CELSR1: variants seen among roughly 807,000 people sequenced by gnomAD.
CELSR1 encodes adhesion G protein-coupled receptor C1.
In CELSR1, 110 loss-of-function variants were observed where a neutral mutation model predicts 249.1. The ratio of observed to expected loss-of-function variants is 0.44; its 90% CI spans 0.38 to 0.52. CELSR1 has a LOEUF of 0.52. Ranked by LOEUF, CELSR1 falls within the 20% of genes least tolerant of loss-of-function variation. The probability of loss-of-function intolerance (pLI) is 0.00; values close to 1 mark genes in which losing one functional copy is unlikely to be tolerated. For synonymous variants in CELSR1, 2,113 were observed against 1,900.0 expected (o/e 1.11, Z -2.92); for missense variants, 4,109 against 4,296.4 (o/e 0.96, Z 1.22).
intron 1 of CELSR1, among the ~76,000 whole-genome samples, chr22:46,515,983 A>G (rs1015280632): frequency 6.6e-6 from 1 of 152,212 alleles, no homozygotes; most frequent in African/African-American, 2.4e-5. Flanking sequence ...ATGTGGAGAA[A>G]CAGGAACACT....
Position 46,361,184 on chromosome 22 carries a change from A to G in CELSR1, c.*2039T>C, listed in dbSNP as rs1414871352. The stretch of plus-strand genomic sequence containing the variant: ...CCAGCACCGCAGAAGTACAAATTCA[A>G]AAATCTTAATTTATTGTAGACTCTT... On this transcript the variant is annotated 3_prime_UTR_variant, in exon 35 of 35. Transcript: ENST00000674500. 2.6e-5 allele frequency: 4 copies of G among 152,574 alleles called. No individual in the cohort carries two copies. The highest frequency in any genetic ancestry group is 5.9e-5 in the Non-Finnish European group (4 of 68,048). 9.5% of individuals were successfully genotyped at this position (152,574 alleles called of 1,614,324 possible). A position where few individuals can be genotyped will look rare whatever the true frequency, so the allele number is the denominator to read the frequency against.
Position 46,411,846 on chromosome 22 carries a change from G to A in CELSR1, c.4612-87C>T, listed in dbSNP as rs2079340780. 1 of 1,554,196 alleles carries A rather than the reference G, an allele frequency of 6.4e-7. No homozygotes were observed. Among genetic ancestry groups the A allele is most frequent in the Non-Finnish European group, 8.8e-7 (1 of 1,139,370 alleles). ...CACCTGTCACTCATAGAGCGAGGAG[G>A]ACATGGCACAGGGTGGGCGGCACGT... On this transcript the variant is annotated intron_variant, in intron 5 of 34. Coordinates refer to ENST00000674500, the MANE Select transcript of CELSR1 (RefSeq NM_001378328.1). The surrounding 1 kb of genome is among the most constrained non-coding windows in gnomAD (Gnocchi z 4.2).
At chr22:46,403,965 C>T (rs1320298994) in intron 9 of CELSR1, among the ~76,000 whole-genome samples, 2 of 136,640 alleles carry the variant, frequency 1.5e-5, no homozygotes, top group African/African-American at 2.8e-5. Flanking sequence ...GAGTGAAACT[C>T]CGTCTCAAAA....
rs1275597815 is a variant in CELSR1 at position 46,473,987 on chromosome 22, T to C, written c.3545-9642A>G. On this transcript the variant is annotated intron_variant, in intron 1 of 34. Transcript: ENST00000674500. The surrounding 1 kb of genome is among the most constrained non-coding windows in gnomAD (Gnocchi z 6.6). ...AACAAGGGGACAAGCACTTTCAGGG[T>C]TGGGTGTGCGGCGCATGTCAGGATG... 6.6e-6 allele frequency among the ~76,000 whole-genome samples: 1 copy of C among 151,964 alleles called. No individual in the cohort carries two copies. The highest frequency in any genetic ancestry group is 2.4e-5 in the African/African-American group (1 of 41,350).
At chr22:46,431,270 G>A (rs2079592368) in intron 5 of CELSR1, among the ~76,000 whole-genome samples, 1 of 152,240 alleles carries the variant, frequency 6.6e-6, no homozygotes, top group Non-Finnish European at 1.5e-5. Context: ...ACTGTGTTCA[G>A]AGCCAGGGCG....
At chr22:46,378,780 G>C in intron 22 of CELSR1, 63 bp from the exon 23 acceptor site, 1 of 1,564,014 alleles carries the variant, frequency 6.4e-7, no homozygotes. Flanking sequence ...AGTCTGTAAA[G>C]GGCAGCCTTT....
At chr22:46,478,636 G>A (rs961527229) in intron 1 of CELSR1, among the ~76,000 whole-genome samples, 4 of 151,542 alleles carry the variant, frequency 2.6e-5, no homozygotes, top group Non-Finnish European at 5.9e-5. Flanking sequence ...TCTGCCTCCC[G>A]GGTTCAAGCG....
rs1312746904 is a variant in CELSR1 at position 46,500,278 on chromosome 22, C to T, written c.3544+33349G>A. 6.6e-6 allele frequency among the ~76,000 whole-genome samples: 1 copy of T among 152,190 alleles called. No homozygotes were observed. The highest frequency in any genetic ancestry group is 1.5e-5 in the Non-Finnish European group (1 of 68,034). On this transcript the variant is annotated intron_variant, in intron 1 of 34. Coordinates refer to ENST00000674500, the MANE Select transcript of CELSR1 (RefSeq NM_001378328.1). This position sits in a 1 kb window ranked among gnomAD's most constrained non-coding sequence, Gnocchi z 4.9. ...GGAAGGGACATAACTGCGACAAAAC[C>T]CTGGCGCCCGGTTTTCAGCACCGCG...
At chr22:46,497,198 TTCACTA>T (rs1324646447) in intron 1 of CELSR1, among the ~76,000 whole-genome samples, 1 of 152,238 alleles carries the variant, frequency 6.6e-6, no homozygotes, top group Non-Finnish European at 1.5e-5. Context: ...TATGCCTCAC[TTCACTA>T]TAAGTATCCA....
intron 2 of CELSR1, among the ~76,000 whole-genome samples, chr22:46,456,528 T>A (rs2079952679): frequency 6.6e-6 from 1 of 151,548 alleles, no homozygotes; most frequent in South Asian, 2.1e-4. Context: ...CCAGGCGTGG[T>A]GGTGGGCACC....
In CELSR1 at chr22:46,384,177, C is replaced by A. The variant is rs2079007887; in HGVS notation, c.6883+366G>T. The stretch of plus-strand genomic sequence containing the variant: ...TCTCGAACTCCTGACCTCAGGTGAT[C>A]TGCCCGCCTCGGCCTCCCAAAGTGC... On this transcript the variant is annotated intron_variant, in intron 20 of 34. Transcript: ENST00000674500. Among the ~76,000 whole-genome samples, 3 of 152,134 alleles carry A rather than the reference C, an allele frequency of 2.0e-5. No individual in the cohort carries two copies. In the South Asian group the frequency reaches 6.2e-4, roughly 32 times the overall value.
chr22:46,376,240 G>A (rs1302745394), intron 24 of CELSR1, among the ~76,000 whole-genome samples: 2 of 152,172 alleles, frequency 1.3e-5, no homozygotes, highest in Admixed American at 6.5e-5. Context: ...TACTGGTGAG[G>A]TAAATGGCAT....
intron 1 of CELSR1, among the ~76,000 whole-genome samples, chr22:46,515,925 T>C (rs553878601): frequency 6.6e-6 from 1 of 152,292 alleles, no homozygotes; most frequent in Non-Finnish European, 1.5e-5. Flanking sequence ...TCACACCAGT[T>C]ACAATGGCGA....
chr22:46,382,915 A>G (rs1428430575), intron 20 of CELSR1, among the ~76,000 whole-genome samples: 1 of 152,228 alleles, frequency 6.6e-6, no homozygotes, highest in East Asian at 1.9e-4. Flanking sequence ...TTCGTGGGCT[A>G]GAGTTTCAGA....
chr22:46,503,089 G>A (rs189872964), intron 1 of CELSR1, among the ~76,000 whole-genome samples: 6 of 152,154 alleles, frequency 3.9e-5, no homozygotes, highest in African/African-American at 1.4e-4. Flanking sequence ...AGTCGGGGGA[G>A]GCTCTCTCCT....
chr22:46,521,256 C>T (rs1359499588), intron 1 of CELSR1, among the ~76,000 whole-genome samples: 1 of 152,180 alleles, frequency 6.6e-6, no homozygotes, highest in African/African-American at 2.4e-5. Flanking sequence ...GTAATCTCAG[C>T]ACTTTGGGAA....
rs1033352349 is a variant in CELSR1, at chr22:46,434,019, G to A, written c.4523-538C>T. On this transcript the variant is annotated intron_variant, in intron 4 of 34. Transcript: ENST00000674500. This position sits in a 1 kb window ranked among gnomAD's most constrained non-coding sequence, Gnocchi z 4.9. The stretch of plus-strand genomic sequence containing the variant: ...CTAAATATGAAAAAATATAAACACG[G>A]AAAACCCATCTGTCTGTACCAGCAG... 6.6e-5 allele frequency among the ~76,000 whole-genome samples: 10 copies of A among 152,142 alleles called. No homozygotes were observed. Among genetic ancestry groups the A allele is most frequent in the African/African-American group, 2.2e-4 (9 of 41,424 alleles).
chr22:46,463,589 A>AG, intron 2 of CELSR1, 118 bp downstream of exon 2: 1 of 1,128,542 alleles, frequency 8.9e-7, no homozygotes, highest in Non-Finnish European at 1.2e-6. Flanking sequence ...ACCTGGGCCC[A>AG]GCGCCCATCC....
chr22:46,494,754 G>A (rs939681546), intron 1 of CELSR1, among the ~76,000 whole-genome samples: 28 of 152,130 alleles, frequency 1.8e-4, no homozygotes, highest in African/African-American at 4.1e-4. Flanking sequence ...TGATCCGCCC[G>A]CCTCGGTCTC....
Sources: allele counts gnomAD v4.1 joint callset (sites outside exome capture counted in the v4.1 genomes callset), GRCh38; gene constraint gnomAD v4.1.1; non-coding constraint Gnocchi (gnomAD v3.1); transcripts MANE v1.5; gene names NCBI Gene and HGNC (gene_info 2026-07-23, HGNC 2026-07-21).